The following YPEL1 variants were observed in gnomAD, a reference collection of about 807,000 sequenced individuals.
YPEL1 encodes yippee like 1.
YPEL1 carries 7 observed loss-of-function variants against 17.3 expected under a neutral mutation model. The ratio of observed to expected loss-of-function variants is 0.40; its 90% CI spans 0.23 to 0.76. The LOEUF is 0.76. Among genes scored for constraint, YPEL1 ranks in the 30% least tolerant of loss-of-function variants. The pLI is 0.35. For missense variants in YPEL1, 91 were observed against 155.5 expected, an observed-to-expected ratio of 0.59 and a Z score of 2.21; for synonymous variants, 59 against 59.6, an observed-to-expected ratio of 0.99 and a Z score of 0.05.
chr22:21,705,100 G>C (rs2068103124), intron 2 of YPEL1, among the ~76,000 whole-genome samples: 1 of 152,156 alleles, frequency 6.6e-6, no homozygotes, highest in Non-Finnish European at 1.5e-5. Context: ...CCAGTAGCTA[G>C]GACTACAGGC....
Position 21,703,901 on chromosome 22 carries a change from G to GT in YPEL1, c.118-20dup. On this transcript the variant is annotated intron_variant, in intron 2 of 4. Transcript: ENST00000339468. This position sits in a 1 kb window ranked among gnomAD's most constrained non-coding sequence, Gnocchi z 6.1. The stretch of plus-strand genomic sequence containing the variant: ...GAAAGGACTGAAAGAAGAAGGTCCC[G>GT]TGAGATTGGCTGCGAGTGCTTTCTG... 6.3e-7 allele frequency: 1 copy of GT among 1,586,288 alleles called. No individual in the cohort carries two copies. The highest frequency in any genetic ancestry group is 8.6e-7 in the Non-Finnish European group (1 of 1,166,802).
intron 1 of YPEL1, among the ~76,000 whole-genome samples, chr22:21,716,122 T>C (rs2068221400): frequency 6.6e-6 from 1 of 152,170 alleles, no homozygotes; most frequent in South Asian, 2.1e-4. Flanking sequence ...TTGTCCAGGC[T>C]GGTCTCAAAT....
At position 21,703,827 on chromosome 22, in the gene YPEL1, C is replaced by G; in HGVS notation, c.161+12G>C. On this transcript the variant is annotated intron_variant, in intron 3 of 4. Transcript: ENST00000339468. This position sits in a 1 kb window ranked among gnomAD's most constrained non-coding sequence, Gnocchi z 6.1. ...CCGTGCCGCTCCCCCCGGGCTGAACCAGGGTACTCACACGGAATTGAAGAG... is the reference window on the plus strand; with the variant it reads ...CCGTGCCGCTCCCCCCGGGCTGAACGAGGGTACTCACACGGAATTGAAGAG... 1 of 1,609,030 alleles carries G rather than the reference C, an allele frequency of 6.2e-7. No homozygotes were observed. Among genetic ancestry groups the G allele is most frequent in the Non-Finnish European group, 8.5e-7 (1 of 1,177,742 alleles).
At chr22:21,731,726 C>T (rs2068389284) in intron 1 of YPEL1, among the ~76,000 whole-genome samples, 1 of 152,136 alleles carries the variant, frequency 6.6e-6, no homozygotes, top group Non-Finnish European at 1.5e-5. Flanking sequence ...GTCTGACTTG[C>T]TTTGAGAGGC....
chr22:21,718,366 G>A (rs1028736211), intron 1 of YPEL1, among the ~76,000 whole-genome samples: 2 of 152,012 alleles, frequency 1.3e-5, no homozygotes, highest in African/African-American at 4.8e-5. Context: ...TTGGGAGGCT[G>A]AGGCAGGAGA....
At chr22:21,713,593 C>T (rs747326777) in intron 1 of YPEL1, among the ~76,000 whole-genome samples, 10 of 152,096 alleles carry the variant, frequency 6.6e-5, no homozygotes, top group East Asian at 1.9e-4. Flanking sequence ...GGGGAGTCCC[C>T]GCTTCATGGG....
chr22:21,707,749 G>A (rs2068127622), intron 2 of YPEL1, among the ~76,000 whole-genome samples: 1 of 152,180 alleles, frequency 6.6e-6, no homozygotes, highest in Non-Finnish European at 1.5e-5. Context: ...GAGCAGCTCT[G>A]TGATTCAGAT....
At chr22:21,711,026 A>ATTTT in intron 1 of YPEL1, 118 bp from the exon 2 acceptor site, 1 of 260,490 alleles carries the variant, frequency 3.8e-6, no homozygotes, top group Non-Finnish European at 7.5e-6. Flanking sequence ...CAGGACTAGA[A>ATTTT]TTTTTTTTTT....
rs1470486493 is a variant in YPEL1, at chr22:21,735,681, T to TCGGCTCTCAGGCGTTCC, written c.-248_-232dup. 6 of 150,534 alleles carry TCGGCTCTCAGGCGTTCC rather than the reference T, an allele frequency of 4.0e-5. No homozygotes were observed. The East Asian group carries it at 1.2e-3, about 30-fold the overall frequency. The allele number at this position is 150,534 out of a possible 1,614,324, so 9.3% of individuals were successfully genotyped here. On this transcript the variant is annotated 5_prime_UTR_variant, in exon 1 of 5. Transcript: ENST00000339468. The stretch of plus-strand genomic sequence containing the variant: ...GGCCCGGGCCCCGGTCAGCGCGGGC[T>TCGGCTCTCAGGCGTTCC]CGGCTCTCAGGCGTTCCCGGCGCGG...
At chr22:21,731,855 C>T (rs1162225185) in intron 1 of YPEL1, among the ~76,000 whole-genome samples, 5 of 152,160 alleles carry the variant, frequency 3.3e-5, no homozygotes. Flanking sequence ...GTCAGAGTCA[C>T]ATGAGATGTT....
chr22:21,713,379 G>A (rs1385692728), intron 1 of YPEL1, among the ~76,000 whole-genome samples: 4 of 152,102 alleles, frequency 2.6e-5, no homozygotes, highest in African/African-American at 9.7e-5. Flanking sequence ...CTCCACAAAC[G>A]GGCATTCTCA....
At position 21,698,328 on chromosome 22, in the gene YPEL1, A is replaced by G. The variant is rs59916934; in HGVS notation, c.*2801T>C. On this transcript the variant is annotated 3_prime_UTR_variant, in exon 5 of 5. Coordinates refer to ENST00000339468, the MANE Select transcript of YPEL1 (RefSeq NM_013313.5). ...AAAATGTTCAATCAATGCCGTCACAAAAGACAGTACAAAAACCAAAGTGCC... is the reference window on the plus strand; with the variant it reads ...AAAATGTTCAATCAATGCCGTCACAGAAGACAGTACAAAAACCAAAGTGCC... The G allele has an allele frequency of 0.016, 2,445 of 152,432 alleles. 23 individuals carry two copies. The highest frequency in any genetic ancestry group is 0.038 in the South Asian group (182 of 4,826). The allele number at this position is 152,432 out of a possible 1,614,324, so 9.4% of individuals were successfully genotyped here.
At chr22:21,734,209 C>G (rs1236761232) in intron 1 of YPEL1, among the ~76,000 whole-genome samples, 13 of 152,118 alleles carry the variant, frequency 8.5e-5, no homozygotes. Context: ...AAGAGTGAGA[C>G]CCTGTCTCAA....
At chr22:21,725,717 G>A (rs1349436757) in intron 1 of YPEL1, among the ~76,000 whole-genome samples, 3 of 151,960 alleles carry the variant, frequency 2.0e-5, no homozygotes, top group Non-Finnish European at 4.4e-5. Flanking sequence ...CTGCGGCCGG[G>A]TGCAGCAGCT....
chr22:21,706,418 G>A (rs1285910334), intron 2 of YPEL1, among the ~76,000 whole-genome samples: 11 of 150,018 alleles, frequency 7.3e-5, no homozygotes, highest in African/African-American at 1.7e-4. Flanking sequence ...CTGGGCTACC[G>A]AGTCAGGCTC....
chr22:21,710,806 CCTCT>C lies in YPEL1; in HGVS notation c.-66_-63del, dbSNP rs1480902586. ...TCTGGAAGAACCGTGGCTCTGCTGG[CCTCT>C]CTGACAAAAGCAACACTGGAAAATG... On this transcript the variant is annotated 5_prime_UTR_variant, in exon 2 of 5. It introduces an in-frame stop codon into an upstream open reading frame of the 5' UTR. Coordinates refer to ENST00000339468, the MANE Select transcript of YPEL1 (RefSeq NM_013313.5). The C allele has an allele frequency of 3.4e-6, 5 of 1,451,206 alleles. No homozygotes were observed. In the East Asian group the frequency reaches 6.8e-5, roughly 20 times the overall value. The allele number at this position is 1,451,206 out of a possible 1,614,324, so 89.9% of individuals were successfully genotyped here. A position where few individuals can be genotyped will look rare whatever the true frequency, so the allele number is the denominator to read the frequency against.
chr22:21,702,430 C>G (rs1264931576), intron 4 of YPEL1, among the ~76,000 whole-genome samples: 1 of 152,140 alleles, frequency 6.6e-6, no homozygotes, highest in East Asian at 1.9e-4. Flanking sequence ...CAGAGATGAT[C>G]AGGAATTCAG....
intron 1 of YPEL1, among the ~76,000 whole-genome samples, chr22:21,732,151 A>C (rs2148616577): frequency 6.6e-6 from 1 of 152,320 alleles, no homozygotes; most frequent in South Asian, 2.1e-4. Context: ...TCTGTATAGC[A>C]GGTGTAACGT....
At chr22:21,707,285 C>T (rs555270917) in intron 2 of YPEL1, among the ~76,000 whole-genome samples, 61 of 152,156 alleles carry the variant, frequency 4.0e-4, no homozygotes, top group African/African-American at 1.3e-3. Context: ...GGTGTGGTGG[C>T]GCACACCTGT....
Sources: allele counts gnomAD v4.1 joint callset (sites outside exome capture counted in the v4.1 genomes callset), GRCh38; gene constraint gnomAD v4.1.1; non-coding constraint Gnocchi (gnomAD v3.1); transcripts MANE v1.5; gene names NCBI Gene and HGNC (gene_info 2026-07-23, HGNC 2026-07-21).